The following GUCY1A1 variants were observed in gnomAD, a reference collection of about 807,000 sequenced individuals.
The protein encoded by GUCY1A1 is guanylate cyclase soluble subunit alpha-1.
GUCY1A1 carries 48 observed loss-of-function variants against 64.5 expected under a neutral mutation model. That is an observed-to-expected ratio of 0.74 (90% CI 0.59 to 0.95). GUCY1A1 has a LOEUF of 0.95. GUCY1A1 is among the 40% of genes least tolerant of loss of function. GUCY1A1 has a pLI of 0.00. For synonymous variants in GUCY1A1, 308 were observed against 303.4 expected (o/e 1.02, Z -0.16); for missense variants, 804 against 825.3 (o/e 0.97, Z 0.32).
Position 155,708,192 on chromosome 4 carries a change from A to G in GUCY1A1, c.318-44A>G. 3 of 914,946 alleles carry G rather than the reference A, an allele frequency of 3.3e-6. No homozygotes were observed. In the South Asian group the frequency reaches 4.1e-5, roughly 12 times the overall value. The allele number at this position is 914,946 out of a possible 1,614,324, so 56.7% of individuals were successfully genotyped here. On this transcript the variant is annotated intron_variant, in intron 4 of 9. Transcript: ENST00000506455. ...GTATATTATAATCTGAACTTTTAGC[A>G]TGTATTTATAAGTTTATAACTTAAA...
At position 155,675,371 on chromosome 4, in the gene GUCY1A1, A is replaced by G. The variant is rs1427844037; in HGVS notation, c.-113+7952A>G. Among the ~76,000 whole-genome samples, 2 of 151,650 alleles carry G rather than the reference A, an allele frequency of 1.3e-5. 1 individual carries two copies. The highest frequency in any genetic ancestry group is 4.9e-5 in the African/African-American group (2 of 40,892). On this transcript the variant is annotated intron_variant, in intron 2 of 9. Transcript: ENST00000506455. ...GAAGTATTTAGAGAGTTACAAATGT[A>G]GCATTGAAGGAAATTTGGGTAAATG...
At chr4:155,678,102 T>C (rs1377257037) in intron 2 of GUCY1A1, among the ~76,000 whole-genome samples, 1 of 152,122 alleles carries the variant, frequency 6.6e-6, no homozygotes, top group Non-Finnish European at 1.5e-5. Flanking sequence ...ACAAACTGCG[T>C]TAATCTCCAA....
chr4:155,674,354 A>T (rs1380952502), intron 2 of GUCY1A1, among the ~76,000 whole-genome samples: 1 of 174 alleles, frequency 5.7e-3, no homozygotes, highest in Non-Finnish European at 0.033. Context: ...ACTCCATCTA[A>T]AAAAAAAAAA....
rs1198158295 is a variant in GUCY1A1, at chr4:155,733,332, A to G, written c.*3101A>G. Among the ~76,000 whole-genome samples, 1 of 151,726 alleles carries G rather than the reference A, an allele frequency of 6.6e-6. No individual in the cohort carries two copies. Among genetic ancestry groups the G allele is most frequent in the Non-Finnish European group, 1.5e-5 (1 of 67,866 alleles). ...GCAGAGAAGGGGAAGGACATGGTCC[A>G]GGAAAATAAATCAGCACACAAAGAG... is the stretch of plus-strand genomic sequence containing the variant. On this transcript the variant is annotated 3_prime_UTR_variant, in exon 10 of 10. Coordinates refer to ENST00000506455, the MANE Select transcript of GUCY1A1 (RefSeq NM_001130682.3).
At chr4:155,686,307 C>A (rs1728992533) in intron 2 of GUCY1A1, among the ~76,000 whole-genome samples, 1 of 151,928 alleles carries the variant, frequency 6.6e-6, no homozygotes, top group Non-Finnish European at 1.5e-5. Flanking sequence ...GAAACCTAGT[C>A]TCTACTAAAA....
chr4:155,728,091 T>C (rs1464727314), intron 9 of GUCY1A1, among the ~76,000 whole-genome samples: 1 of 151,954 alleles, frequency 6.6e-6, no homozygotes, highest in Non-Finnish European at 1.5e-5. Flanking sequence ...AACATATCCA[T>C]ATCCTTTTAA....
At chr4:155,695,530 A>G (rs2126729286) in intron 2 of GUCY1A1, among the ~76,000 whole-genome samples, 1 of 152,350 alleles carries the variant, frequency 6.6e-6, no homozygotes, top group South Asian at 2.1e-4. Context: ...CCGATTGTGT[A>G]GAAACTGCTC....
chr4:155,676,307 T>G (rs1319492809), intron 2 of GUCY1A1, among the ~76,000 whole-genome samples: 4 of 149,904 alleles, frequency 2.7e-5, no homozygotes, highest in South Asian at 2.1e-4. Context: ...CTGGTTTTTT[T>G]TTTTTTTTTT....
rs1735576302 is a variant in GUCY1A1, at chr4:155,731,777, C to T, written c.*1546C>T. The stretch of plus-strand genomic sequence containing the variant: ...ACTTCTTTAACTGCCTCCCTTAGTA[C>T]CCAGGCTAGCCCATGGTGACATCAG... On this transcript the variant is annotated 3_prime_UTR_variant, in exon 10 of 10. Coordinates refer to ENST00000506455, the MANE Select transcript of GUCY1A1 (RefSeq NM_001130682.3). The T allele has an allele frequency of 6.6e-6, 1 of 151,650 alleles. No individual in the cohort carries two copies. Among genetic ancestry groups the T allele is most frequent in the Non-Finnish European group, 1.5e-5 (1 of 67,840 alleles). The allele number at this position is 151,650 out of a possible 1,614,324, so 9.4% of individuals were successfully genotyped here.
intron 4 of GUCY1A1, among the ~76,000 whole-genome samples, chr4:155,706,936 C>T (rs12504357): frequency 0.35 from 53,040 of 152,090 alleles, 9,985 homozygotes; most frequent in East Asian, 0.5. Flanking sequence ...CATGCTATTA[C>T]AGTCTCAATT....
rs1736048722 is a variant in GUCY1A1, at chr4:155,736,279, A to T, written c.*6048A>T. On this transcript the variant is annotated 3_prime_UTR_variant, in exon 10 of 10. Transcript: ENST00000506455. Reference sequence around the variant, plus strand: ...TTTTCTTCACCTACCCCAGTGAATCATCTTTATATTTTACTTGGGAAACTG... The same window carrying T: ...TTTTCTTCACCTACCCCAGTGAATCTTCTTTATATTTTACTTGGGAAACTG... The T allele has an allele frequency of 6.6e-6, 1 of 151,968 alleles. No individual in the cohort carries two copies. Among genetic ancestry groups the T allele is most frequent in the Non-Finnish European group, 1.5e-5 (1 of 67,940 alleles). The allele number at this position is 151,968 out of a possible 1,614,324, so 9.4% of individuals were successfully genotyped here.
Position 155,710,802 on chromosome 4 carries a change from C to CTGA in GUCY1A1, c.639_641dup (p.Leu213_Ile214insMet), listed in dbSNP as rs1181979626. ...CTTCTTCCCTAAGAGAACCACCTCCCTGATTCTTCCCGGCATCATAAAGGC... is the reference window on the plus strand; with the variant it reads ...CTTCTTCCCTAAGAGAACCACCTCCCTGATGATTCTTCCCGGCATCATAAAGGC... On this transcript the variant is annotated inframe_insertion, in exon 6 of 10. Transcript: ENST00000506455. The CTGA allele has an allele frequency of 6.2e-7, 1 of 1,614,060 alleles. No individual in the cohort carries two copies. Among genetic ancestry groups the CTGA allele is most frequent in the Non-Finnish European group, 8.5e-7 (1 of 1,179,938 alleles).
At chr4:155,728,453 A>G (rs2127007034) in intron 9 of GUCY1A1, among the ~76,000 whole-genome samples, 1 of 152,018 alleles carries the variant, frequency 6.6e-6, no homozygotes, top group South Asian at 2.1e-4. Context: ...GCCAGACTCT[A>G]TCTTCTACCT....
intron 2 of GUCY1A1, among the ~76,000 whole-genome samples, chr4:155,675,745 A>G (rs927622835): frequency 1.3e-5 from 2 of 151,612 alleles, no homozygotes; most frequent in Non-Finnish European, 2.9e-5. Context: ...TGCCCTGATA[A>G]GAGTTTATAC....
At chr4:155,683,421 T>C (rs984300665) in intron 2 of GUCY1A1, among the ~76,000 whole-genome samples, 3 of 152,236 alleles carry the variant, frequency 2.0e-5, no homozygotes, top group Non-Finnish European at 2.9e-5. Context: ...TCCGTGTTTA[T>C]ACCAGATGAC....
At position 155,678,423 on chromosome 4, in the gene GUCY1A1, C is replaced by T. The variant is rs534715005; in HGVS notation, c.-113+11004C>T. Among the ~76,000 whole-genome samples, 20 of 152,242 alleles carry T rather than the reference C, an allele frequency of 1.3e-4. 1 individual carries two copies. Among genetic ancestry groups the T allele is most frequent in the African/African-American group, 4.8e-4 (20 of 41,558 alleles). ...AAAGGTTTTTACAATAATTTTATAT[C>T]AAGTCCAGTTTATAATAGTGAACAT... On this transcript the variant is annotated intron_variant, in intron 2 of 9. Transcript: ENST00000506455.
In GUCY1A1 at chr4:155,730,099, T is replaced by C. The variant is rs1438227013; in HGVS notation, c.1941T>C (p.Pro647=). The change falls in exon 10 of 10, where the codon CCT becomes CCC. Residue 647 remains proline, a synonymous_variant. Transcript: ENST00000506455. ...RSREELPPNF[P]SEIPGICHFL... is the part of the protein sequence containing the mutation. ...GGGAGGAACTTCCACCAAACTTCCCTAGTGAAATCCCCGGAATCTGCCATT... is the reference window on the plus strand; with the variant it reads ...GGGAGGAACTTCCACCAAACTTCCCCAGTGAAATCCCCGGAATCTGCCATT... The C allele has an allele frequency of 6.2e-7, 1 of 1,611,190 alleles. No individual in the cohort carries two copies. The highest frequency in any genetic ancestry group is 1.1e-5 in the South Asian group (1 of 91,010).
rs1474631641 is a variant in GUCY1A1, at chr4:155,734,453, T to A, written c.*4222T>A. 1 of 151,986 alleles carries A rather than the reference T, an allele frequency of 6.6e-6. No homozygotes were observed. Among genetic ancestry groups the A allele is most frequent in the African/African-American group, 2.4e-5 (1 of 41,416 alleles). The allele number at this position is 151,986 out of a possible 1,614,324, so 9.4% of individuals were successfully genotyped here. A position where few individuals can be genotyped will look rare whatever the true frequency, so the allele number is the denominator to read the frequency against. On this transcript the variant is annotated 3_prime_UTR_variant, in exon 10 of 10. Transcript: ENST00000506455. ...AATCATTTTAATAAGTAAAATTGAA[T>A]CTTTGATACATATTTGTTGAGGAGC...
At chr4:155,668,989 T>C (rs1203913176) in intron 2 of GUCY1A1, among the ~76,000 whole-genome samples, 2 of 152,160 alleles carry the variant, frequency 1.3e-5, no homozygotes, top group Non-Finnish European at 2.9e-5. Flanking sequence ...TGGACCTGTG[T>C]CCTAATAGAA....
Sources: allele counts gnomAD v4.1 joint callset (sites outside exome capture counted in the v4.1 genomes callset), GRCh38; gene constraint gnomAD v4.1.1; transcripts MANE v1.5; gene names NCBI Gene and HGNC (gene_info 2026-07-23, HGNC 2026-07-21).